Variants in BRINP3 observed in about 807,000 individuals in gnomAD.
The protein encoded by BRINP3 is BMP/retinoic acid-inducible neural-specific protein 3.
BRINP3 carries 19 observed loss-of-function variants against 71.0 expected under a neutral mutation model. The observed-to-expected ratio is 0.27, with a 90% confidence interval of 0.19 to 0.39. BRINP3 has a LOEUF of 0.39. Among genes scored for constraint, BRINP3 ranks in the 10% least tolerant of loss-of-function variants. The pLI is 1.00. For missense variants in BRINP3, 959 were observed against 940.8 expected (o/e 1.02, Z -0.25); for synonymous variants, 380 against 337.7 (o/e 1.13, Z -1.37).
chr1:190,276,688 G>T (rs1662583061), intron 3 of BRINP3, among the ~76,000 whole-genome samples: 3 of 147,502 alleles, frequency 2.0e-5, no homozygotes, highest in Non-Finnish European at 4.5e-5. Flanking sequence ...GAGAATTGAG[G>T]TAGCATACAT....
intron 2 of BRINP3, among the ~76,000 whole-genome samples, chr1:190,413,356 G>C (rs1276731547): frequency 6.6e-6 from 1 of 152,082 alleles, no homozygotes; most frequent in Non-Finnish European, 1.5e-5. Flanking sequence ...ACCTATAAAG[G>C]CTGCTCAATG....
intron 4 of BRINP3, among the ~76,000 whole-genome samples, chr1:190,255,419 G>A (rs1350837703): frequency 6.6e-6 from 1 of 151,914 alleles, no homozygotes. Flanking sequence ...GTCCTCGACT[G>A]TTTTTGGTTG....
At chr1:190,281,861 A>G (rs1663067650) in intron 2 of BRINP3, 111 bp from the exon 3 acceptor site, 2 of 957,334 alleles carry the variant, frequency 2.1e-6, no homozygotes, top group African/African-American at 1.7e-5. Flanking sequence ...TGCTTGTAAT[A>G]CTAGGTTGTG....
chr1:190,217,593 C>A (rs1197274174), intron 6 of BRINP3, among the ~76,000 whole-genome samples: 1 of 151,850 alleles, frequency 6.6e-6, no homozygotes. Flanking sequence ...GTGATGAATT[C>A]TTAAGTTTAC....
intron 2 of BRINP3, among the ~76,000 whole-genome samples, chr1:190,389,860 A>C (rs1671142433): frequency 6.6e-6 from 1 of 151,820 alleles, no homozygotes; most frequent in Admixed American, 6.6e-5. Context: ...GGGTAGACAC[A>C]AGAGAAAAGT....
At chr1:190,431,867 T>C (rs1674121502) in intron 2 of BRINP3, among the ~76,000 whole-genome samples, 1 of 152,160 alleles carries the variant, frequency 6.6e-6, no homozygotes, top group Non-Finnish European at 1.5e-5. Context: ...TGCAATATGA[T>C]GCATTTTATT....
At chr1:190,197,458 G>A (rs1654588971) in intron 6 of BRINP3, among the ~76,000 whole-genome samples, 1 of 152,172 alleles carries the variant, frequency 6.6e-6, no homozygotes, top group African/African-American at 2.4e-5. Flanking sequence ...CTATGAGGCT[G>A]TAAAATCAAA....
At chr1:190,232,667 A>C (rs1180281478) in intron 5 of BRINP3, among the ~76,000 whole-genome samples, 1 of 152,156 alleles carries the variant, frequency 6.6e-6, no homozygotes, top group Non-Finnish European at 1.5e-5. Flanking sequence ...TGTGTTAATT[A>C]TTTTTCCAGA....
At chr1:190,301,233 A>ATATATATG (rs1293783521) in intron 2 of BRINP3, among the ~76,000 whole-genome samples, 2 of 135,424 alleles carry the variant, frequency 1.5e-5, no homozygotes, top group Non-Finnish European at 3.1e-5. Context: ...ATATATATAT[A>ATATATATG]TACACACATA....
chr1:190,106,007 T>G (rs1253409899), intron 7 of BRINP3, among the ~76,000 whole-genome samples: 1 of 151,962 alleles, frequency 6.6e-6, no homozygotes, highest in Non-Finnish European at 1.5e-5. Context: ...AAATATATTT[T>G]TCACTAAATC....
At chr1:190,410,330 G>A (rs1272776938) in intron 2 of BRINP3, among the ~76,000 whole-genome samples, 1 of 152,074 alleles carries the variant, frequency 6.6e-6, no homozygotes, top group Non-Finnish European at 1.5e-5. Flanking sequence ...CTGTCATTAA[G>A]ATATGGAGAC....
intron 2 of BRINP3, among the ~76,000 whole-genome samples, chr1:190,371,776 A>G: frequency 6.6e-6 from 1 of 152,256 alleles, no homozygotes; most frequent in East Asian, 1.9e-4. Flanking sequence ...GATATTGTTA[A>G]ATTTAACGAT....
At chr1:190,290,771 A>G (rs912285245) in intron 2 of BRINP3, among the ~76,000 whole-genome samples, 5 of 152,088 alleles carry the variant, frequency 3.3e-5, no homozygotes, top group Admixed American at 1.3e-4. Context: ...GAGGCTGTAT[A>G]TCTAGCAAGA....
At chr1:190,241,487 G>T (rs1171843991) in intron 4 of BRINP3, among the ~76,000 whole-genome samples, 3 of 151,278 alleles carry the variant, frequency 2.0e-5, no homozygotes, top group African/African-American at 7.3e-5. Flanking sequence ...CTCTCTCTCT[G>T]GCAATAAAGT....
intron 2 of BRINP3, among the ~76,000 whole-genome samples, chr1:190,442,499 T>C (rs1674893086): frequency 1.3e-5 from 2 of 152,186 alleles, no homozygotes; most frequent in African/African-American, 2.4e-5. Context: ...TTGACTCTTT[T>C]CAACTATTTC....
At chr1:190,438,173 G>A (rs1674588785) in intron 2 of BRINP3, among the ~76,000 whole-genome samples, 1 of 151,286 alleles carries the variant, frequency 6.6e-6, no homozygotes, top group Non-Finnish European at 1.5e-5. Flanking sequence ...CATCCCAAAA[G>A]TTACTATAGA....
chr1:190,146,455 A>G (rs542852051), intron 7 of BRINP3, among the ~76,000 whole-genome samples: 1 of 152,116 alleles, frequency 6.6e-6, no homozygotes, highest in Non-Finnish European at 1.5e-5. Flanking sequence ...TACTATTTCA[A>G]TTACTGTATA....
intron 6 of BRINP3, among the ~76,000 whole-genome samples, chr1:190,175,761 A>G (rs761467270): frequency 2.2e-4 from 33 of 152,192 alleles, no homozygotes; most frequent in African/African-American, 7.5e-4. Flanking sequence ...TATCTATCGT[A>G]TATCAACATC....
intron 6 of BRINP3, among the ~76,000 whole-genome samples, chr1:190,221,335 T>G (rs1656874147): frequency 6.6e-6 from 1 of 152,130 alleles, no homozygotes; most frequent in African/African-American, 2.4e-5. Flanking sequence ...CTGTTCTTAG[T>G]TTGTTATCCA....
Sources: gnomAD v4.1 joint callset for allele counts (sites outside exome capture counted in the v4.1 genomes callset) on GRCh38, gnomAD v4.1.1 for gene constraint, MANE v1.5 for transcripts, NCBI Gene and HGNC (gene_info 2026-07-23, HGNC 2026-07-21) for gene names.